The following SH3RF3 variants were observed in gnomAD, a reference collection of about 807,000 sequenced individuals.
The protein encoded by SH3RF3 is E3 ubiquitin-protein ligase SH3RF3.
SH3RF3 carries 29 observed loss-of-function variants against 66.3 expected under a neutral mutation model. The ratio of observed to expected loss-of-function variants is 0.44; its 90% CI spans 0.33 to 0.60. The LOEUF (loss-of-function observed/expected upper bound fraction) is 0.60, where lower values mean the gene tolerates loss of function less well. Ranked by LOEUF, SH3RF3 falls within the 20% of genes least tolerant of loss-of-function variation. The pLI, the probability that SH3RF3 is intolerant of heterozygous loss-of-function variation, is 0.04. For missense variants in SH3RF3, 1,194 were observed against 1,190.9 expected (o/e 1.00, Z -0.04); for synonymous variants, 583 against 532.0 (o/e 1.10, Z -1.32).
intron 1 of SH3RF3, among the ~76,000 whole-genome samples, chr2:109,155,623 AT>A (rs1677328416): frequency 6.6e-6 from 1 of 152,024 alleles, no homozygotes; most frequent in African/African-American, 2.4e-5. Context: ...TGATGACACA[AT>A]TTTGGCTATT....
intron 1 of SH3RF3, among the ~76,000 whole-genome samples, chr2:109,312,187 T>C (rs1038199731): frequency 2.0e-5 from 3 of 152,158 alleles, no homozygotes; most frequent in Non-Finnish European, 4.4e-5. Context: ...CTAATGAAAA[T>C]CTTACACAAT....
intron 1 of SH3RF3, among the ~76,000 whole-genome samples, chr2:109,335,922 C>CA (rs1682409264): frequency 6.6e-6 from 1 of 151,988 alleles, no homozygotes; most frequent in Non-Finnish European, 1.5e-5. Flanking sequence ...AGCAGCTCAA[C>CA]AAAAAAAGAC....
At chr2:109,426,668 T>A (rs1677034970) in intron 5 of SH3RF3, among the ~76,000 whole-genome samples, 1 of 152,222 alleles carries the variant, frequency 6.6e-6, no homozygotes, top group South Asian at 2.1e-4. Flanking sequence ...AAACAGTTGA[T>A]GAAGCAGCAG....
At chr2:109,315,639 A>T (rs1466203571) in intron 1 of SH3RF3, among the ~76,000 whole-genome samples, 1 of 152,228 alleles carries the variant, frequency 6.6e-6, no homozygotes, top group Non-Finnish European at 1.5e-5. Context: ...CAGAGAAGAG[A>T]CGCCTGTGCA....
chr2:109,436,859 T>C, intron 6 of SH3RF3, 34 bp from the exon 7 acceptor site: 1 of 1,604,814 alleles, frequency 6.2e-7, no homozygotes, highest in Non-Finnish European at 8.5e-7. Flanking sequence ...CCTCTGAGCC[T>C]CTCATCAGAA....
At chr2:109,437,498 A>C (rs933534063) in intron 7 of SH3RF3, among the ~76,000 whole-genome samples, 1 of 152,200 alleles carries the variant, frequency 6.6e-6, no homozygotes, top group African/African-American at 2.4e-5. Context: ...TCATAGACTA[A>C]TAAGATTAAC....
chr2:109,502,652 C>A lies in SH3RF3; in HGVS notation c.*981C>A, dbSNP rs1400038162. Reference sequence around the variant, plus strand: ...CTCTTACCAAAACCCCGCGCTCTGTCTAGACGGTGATGATTATTATTCAAG... The same window carrying A: ...CTCTTACCAAAACCCCGCGCTCTGTATAGACGGTGATGATTATTATTCAAG... On this transcript the variant is annotated 3_prime_UTR_variant, in exon 10 of 10. Transcript: ENST00000309415. The A allele has an allele frequency of 6.6e-6, 1 of 152,120 alleles. No homozygotes were observed. Among genetic ancestry groups the A allele is most frequent in the East Asian group, 1.9e-4 (1 of 5,166 alleles). 9.4% of individuals were successfully genotyped at this position (152,120 alleles called of 1,614,324 possible). A position where few individuals can be genotyped will look rare whatever the true frequency, so the allele number is the denominator to read the frequency against.
intron 1 of SH3RF3, among the ~76,000 whole-genome samples, chr2:109,282,824 G>A (rs1680929633): frequency 6.6e-6 from 1 of 152,212 alleles, no homozygotes; most frequent in Admixed American, 6.5e-5. Flanking sequence ...CTGGCAGGCA[G>A]GAGGAGGTGG....
chr2:109,490,712 G>T lies in SH3RF3; in HGVS notation c.2256G>T (p.Val752=). The stretch of plus-strand genomic sequence containing the variant: ...CAACCCACGACCCCCAGGTGGCCGT[G>T]GACGCCCTGCTCCAAGGTGCAGTGG... ...VSPTHDPQVA[V]DALLQGAVGP... Residue 752 remains valine, a synonymous_variant, in exon 9 of 10, where the codon GTG becomes GTT. Coordinates refer to ENST00000309415, the MANE Select transcript of SH3RF3 (RefSeq NM_001099289.3). 1.3e-6 allele frequency: 2 copies of T among 1,534,520 alleles called. No individual in the cohort carries two copies. The highest frequency in any genetic ancestry group is 1.7e-6 in the Non-Finnish European group (2 of 1,144,934).
chr2:109,474,354 A>G (rs1454603815), intron 8 of SH3RF3, among the ~76,000 whole-genome samples: 1 of 152,146 alleles, frequency 6.6e-6, no homozygotes, highest in Non-Finnish European at 1.5e-5. Flanking sequence ...TCTGTGAGCC[A>G]TTTGGGCTGT....
intron 3 of SH3RF3, among the ~76,000 whole-genome samples, chr2:109,379,379 A>G (rs1683460137): frequency 6.6e-6 from 1 of 152,214 alleles, no homozygotes; most frequent in Non-Finnish European, 1.5e-5. Flanking sequence ...GAGATGGGTT[A>G]CAACCAAACG....
chr2:109,481,235 A>C (rs1678826901), intron 8 of SH3RF3, among the ~76,000 whole-genome samples: 1 of 152,202 alleles, frequency 6.6e-6, no homozygotes, highest in African/African-American at 2.4e-5. Context: ...GGGTCCCCCC[A>C]CACAGGTCTC....
intron 1 of SH3RF3, among the ~76,000 whole-genome samples, chr2:109,262,949 C>T (rs1680393904): frequency 6.6e-6 from 1 of 152,162 alleles, no homozygotes; most frequent in Admixed American, 6.5e-5. Context: ...TCTTCTGTCT[C>T]AGCCTCCCAC....
At chr2:109,286,197 G>A (rs1192644755) in intron 1 of SH3RF3, among the ~76,000 whole-genome samples, 1 of 152,208 alleles carries the variant, frequency 6.6e-6, no homozygotes, top group Non-Finnish European at 1.5e-5. Flanking sequence ...AGTTCTTAAA[G>A]TAAGGGCCTG....
intron 4 of SH3RF3, among the ~76,000 whole-genome samples, chr2:109,417,516 A>C (rs1470480872): frequency 1.3e-5 from 2 of 152,100 alleles, no homozygotes; most frequent in Non-Finnish European, 2.9e-5. Context: ...ATGTGGCATG[A>C]GGCAGGCACA....
rs55649222 is a variant in SH3RF3 at position 109,441,132 on chromosome 2, CA to C, written c.1828+4000del. Among the ~76,000 whole-genome samples, 264 of 133,982 alleles carry C rather than the reference CA, an allele frequency of 2.0e-3. 3 individuals carry two copies. Among genetic ancestry groups the C allele is most frequent in the African/African-American group, 5.3e-3 (177 of 33,690 alleles). 87.9% of individuals were successfully genotyped at this position (133,982 alleles called of 152,430 possible). On this transcript the variant is annotated intron_variant, in intron 7 of 9. Coordinates refer to ENST00000309415, the MANE Select transcript of SH3RF3 (RefSeq NM_001099289.3). Reference sequence around the variant, plus strand: ...AAGCTTAAGAATATTTATAGGAATACAAAAAAAAAAAAAATTCCAGCTCTCA... The same window carrying C: ...AAGCTTAAGAATATTTATAGGAATACAAAAAAAAAAAAATTCCAGCTCTCA...
intron 1 of SH3RF3, among the ~76,000 whole-genome samples, chr2:109,269,446 C>T (rs1680577529): frequency 6.6e-6 from 1 of 152,160 alleles, no homozygotes; most frequent in East Asian, 1.9e-4. Flanking sequence ...AAGAATCCAG[C>T]CCCCCTTTCT....
In SH3RF3 at chr2:109,441,490, G is replaced by A. The variant is rs141236325; in HGVS notation, c.1828+4344G>A. ...ACTTGAAGATATAGTAATAGAAGCCGTGGAAAGTGGAACACAGAGATAAAA... is the reference window on the plus strand; with the variant it reads ...ACTTGAAGATATAGTAATAGAAGCCATGGAAAGTGGAACACAGAGATAAAA... On this transcript the variant is annotated intron_variant, in intron 7 of 9. Coordinates refer to ENST00000309415, the MANE Select transcript of SH3RF3 (RefSeq NM_001099289.3). 1.9e-3 allele frequency among the ~76,000 whole-genome samples: 285 copies of A among 152,220 alleles called. 1 individual carries two copies. Among genetic ancestry groups the A allele is most frequent in the African/African-American group, 5.7e-3 (235 of 41,546 alleles).
At chr2:109,295,134 TG>T (rs1468003509) in intron 1 of SH3RF3, among the ~76,000 whole-genome samples, 1 of 152,220 alleles carries the variant, frequency 6.6e-6, no homozygotes, top group Non-Finnish European at 1.5e-5. Flanking sequence ...GCAAGTGGTG[TG>T]GTACGGAGCA....
Sources: allele counts gnomAD v4.1 joint callset (sites outside exome capture counted in the v4.1 genomes callset), GRCh38; gene constraint gnomAD v4.1.1; transcripts MANE v1.5; gene names NCBI Gene and HGNC (gene_info 2026-07-23, HGNC 2026-07-21).